Variants in TOX2 observed in about 807,000 individuals in gnomAD.
TOX2 encodes TOX high mobility group box family member 2.
TOX2 carries 15 observed loss-of-function variants against 47.4 expected under a neutral mutation model. The observed-to-expected ratio is 0.32, with a 90% CI of 0.21 to 0.49. TOX2 has a LOEUF of 0.49. Among genes scored for constraint, TOX2 ranks in the 20% least tolerant of loss-of-function variants. TOX2 has a pLI of 0.99. For missense variants in TOX2, 622 were observed against 673.1 expected (o/e 0.92, Z 0.84); for synonymous variants, 290 against 296.6 (o/e 0.98, Z 0.23).
intron 6 of TOX2, among the ~76,000 whole-genome samples, chr20:44,065,314 G>T (rs1365640830): frequency 6.6e-6 from 1 of 152,220 alleles, no homozygotes; most frequent in Non-Finnish European, 1.5e-5. Flanking sequence ...GGTGGGTGTT[G>T]TTCCTGGTAC....
chr20:43,936,940 T>G (rs2069333840), intron 1 of TOX2, among the ~76,000 whole-genome samples: 1 of 152,206 alleles, frequency 6.6e-6, no homozygotes, highest in Non-Finnish European at 1.5e-5. Flanking sequence ...ACAGCAGACA[T>G]TCATCGAGTC....
intron 3 of TOX2, among the ~76,000 whole-genome samples, chr20:44,023,793 A>G (rs1051709509): frequency 3.3e-5 from 5 of 152,252 alleles, no homozygotes; most frequent in African/African-American, 7.2e-5. Flanking sequence ...CCCTTTTGCC[A>G]CACAGCTCTG....
At chr20:44,019,073 A>G (rs1398587342) in intron 3 of TOX2, among the ~76,000 whole-genome samples, 1 of 152,056 alleles carries the variant, frequency 6.6e-6, no homozygotes, top group African/African-American at 2.4e-5. Flanking sequence ...TGTCTGAAAA[A>G]GGTTTGTTGA....
Position 43,945,784 on chromosome 20 carries a change from C to T in TOX2, c.100-27583C>T, listed in dbSNP as rs1203189871. On this transcript the variant is annotated intron_variant, in intron 1 of 8. Coordinates refer to ENST00000341197, the MANE Select transcript of TOX2 (RefSeq NM_001098797.2). ...AAAGAGGTTAAATAACAGGTTTTTC[C>T]ATTTCACCTTATACGAATGGGATGG... The T allele has an allele frequency of 4.5e-6, 6 of 1,341,774 alleles. No homozygotes were observed. The African/African-American group carries it at 5.8e-5, about 13-fold the overall frequency. The allele number at this position is 1,341,774 out of a possible 1,614,324, so 83.1% of individuals were successfully genotyped here.
At position 44,009,474 on chromosome 20, in the gene TOX2, A is replaced by C. The variant is rs1333466339; in HGVS notation, c.411+2682A>C. Among the ~76,000 whole-genome samples, 3 of 152,166 alleles carry C rather than the reference A, an allele frequency of 2.0e-5. No individual in the cohort carries two copies. In the East Asian group the frequency reaches 5.8e-4, roughly 29 times the overall value. ...TCCTCGTGGGTCCATCAATAATGCA[A>C]GTCCTCAGCTTCCTCTTCTCTCTCT... On this transcript the variant is annotated intron_variant, in intron 3 of 8. Coordinates refer to ENST00000341197, the MANE Select transcript of TOX2 (RefSeq NM_001098797.2).
chr20:43,986,104 C>T (rs1264323671), intron 2 of TOX2, among the ~76,000 whole-genome samples: 1 of 152,076 alleles, frequency 6.6e-6, no homozygotes, highest in African/African-American at 2.4e-5. Context: ...TGGGATGGCC[C>T]TCAAGGGTGG....
intron 2 of TOX2, among the ~76,000 whole-genome samples, chr20:44,003,884 TC>T (rs1303206582): frequency 5.9e-5 from 9 of 152,012 alleles, no homozygotes; most frequent in Non-Finnish European, 1.2e-4. Flanking sequence ...GTGGACTTCA[TC>T]CTGAAGGCAG....
chr20:43,979,178 G>A (rs1243578205), intron 2 of TOX2, among the ~76,000 whole-genome samples: 1 of 152,200 alleles, frequency 6.6e-6, no homozygotes, highest in East Asian at 1.9e-4. Context: ...AGATGTTCAA[G>A]TAGATAGATG....
chr20:44,024,652 A>C (rs1455478489), intron 3 of TOX2, among the ~76,000 whole-genome samples: 1 of 152,180 alleles, frequency 6.6e-6, no homozygotes, highest in Non-Finnish European at 1.5e-5. Flanking sequence ...ACTGTGAAAA[A>C]AAAATTAAAC....
At chr20:43,965,641 G>C (rs547411883) in intron 1 of TOX2, among the ~76,000 whole-genome samples, 1 of 152,326 alleles carries the variant, frequency 6.6e-6, no homozygotes, top group East Asian at 1.9e-4. Flanking sequence ...CCCAGTGGCT[G>C]GGAGCATATT....
At chr20:44,048,846 AT>A (rs536615796) in intron 3 of TOX2, among the ~76,000 whole-genome samples, 214 of 152,336 alleles carry the variant, frequency 1.4e-3, no homozygotes, top group African/African-American at 4.7e-3. Context: ...ATAAAAACCA[AT>A]ATCAGGGCCA....
At chr20:44,022,172 T>C (rs1048423272) in intron 3 of TOX2, among the ~76,000 whole-genome samples, 7 of 152,322 alleles carry the variant, frequency 4.6e-5, no homozygotes, top group Non-Finnish European at 7.4e-5. Flanking sequence ...TCTGTGCCCA[T>C]GGCCCTGCTG....
chr20:43,917,072 G>T (rs2069063185), intron 1 of TOX2, among the ~76,000 whole-genome samples: 1 of 152,086 alleles, frequency 6.6e-6, no homozygotes, highest in Admixed American at 6.5e-5. Flanking sequence ...AGGGATGGGG[G>T]TGGGGATGCA....
At chr20:43,976,782 G>GCACACACACACA (rs11086916) in intron 2 of TOX2, among the ~76,000 whole-genome samples, 2 of 146,434 alleles carry the variant, frequency 1.4e-5, no homozygotes, top group African/African-American at 5.2e-5. Flanking sequence ...GAGCGCGCGC[G>GCACACACACACA]CACACACACA....
intron 4 of TOX2, among the ~76,000 whole-genome samples, chr20:44,053,956 C>T (rs2071572712): frequency 6.6e-6 from 1 of 152,144 alleles, no homozygotes; most frequent in African/African-American, 2.4e-5. Flanking sequence ...TTAAAAGTCC[C>T]AAAGGTGATA....
chr20:43,945,808 G>C lies in TOX2; in HGVS notation c.100-27559G>C, dbSNP rs188870921. On this transcript the variant is annotated intron_variant, in intron 1 of 8. Transcript: ENST00000341197. The stretch of plus-strand genomic sequence containing the variant: ...CCATTTCACCTTATACGAATGGGAT[G>C]GGGGGTGGGGGTGCTGGGCCTCCAG... 69 of 1,481,528 alleles carry C rather than the reference G, an allele frequency of 4.7e-5. No individual in the cohort carries two copies. In the African/African-American group the frequency reaches 6.0e-4, roughly 13 times the overall value. The allele number at this position is 1,481,528 out of a possible 1,614,324, so 91.8% of individuals were successfully genotyped here.
chr20:44,038,929 C>T (rs940828135), intron 3 of TOX2: 10 of 1,181,884 alleles, frequency 8.5e-6, no homozygotes, highest in African/African-American at 6.4e-5. Context: ...CATTCACAGC[C>T]GCCTCGTTCC....
chr20:44,041,136 A>G (rs1334619187), intron 3 of TOX2, among the ~76,000 whole-genome samples: 2 of 152,206 alleles, frequency 1.3e-5, no homozygotes, highest in African/African-American at 4.8e-5. Context: ...GGAGCCCTGG[A>G]GCGCAGCTTC....
chr20:44,021,227 G>A (rs1250710146), intron 3 of TOX2, among the ~76,000 whole-genome samples: 3 of 152,130 alleles, frequency 2.0e-5, no homozygotes, highest in African/African-American at 4.8e-5. Flanking sequence ...TGCATATGCC[G>A]GGGAAGGGAT....
Sources: allele counts gnomAD v4.1 joint callset (sites outside exome capture counted in the v4.1 genomes callset), GRCh38; gene constraint gnomAD v4.1.1; transcripts MANE v1.5; gene names NCBI Gene and HGNC (gene_info 2026-07-23, HGNC 2026-07-21).